UPF1: variants seen among roughly 807,000 people sequenced by gnomAD.
UPF1 encodes regulator of nonsense transcripts 1.
In UPF1, 9 loss-of-function variants were observed where a neutral mutation model predicts 129.2. That is an observed-to-expected ratio of 0.07 (90% CI 0.04 to 0.12). The LOEUF (loss-of-function observed/expected upper bound fraction) is 0.12. Ranked by LOEUF, UPF1 falls within the 10% of genes least tolerant of loss-of-function variation. The pLI is 1.00. For missense variants in UPF1, 788 were observed against 1,525.3 expected, an observed-to-expected ratio of 0.52 and a Z score of 8.05; for synonymous variants, 649 against 644.9, an observed-to-expected ratio of 1.01 and a Z score of -0.10.
chr19:18,846,092 C>T lies in UPF1; in HGVS notation c.344C>T (p.Thr115Met), dbSNP rs746151679. ...FEEDEEDTYYTKDLPIHACSY... is the reference protein window; with the variant it reads ...FEEDEEDTYYMKDLPIHACSY... Reference sequence around the variant, plus strand: ...GAAGATGAAGAAGACACCTATTACACGAAGGACCTCCCCATACACGCCTGC... The same window carrying T: ...GAAGATGAAGAAGACACCTATTACATGAAGGACCTCCCCATACACGCCTGC... The change falls in exon 2 of 24, where the codon ACG becomes ATG. Residue 115 changes from threonine to methionine, a missense_variant. Around this residue, in one of 6 missense-constraint regions of UPF1, gnomAD observed 227 missense variants for 517.9 expected, o/e 0.44. Coordinates refer to ENST00000262803, the MANE Select transcript of UPF1 (RefSeq NM_002911.4). The T allele has an allele frequency of 4.4e-5, 71 of 1,613,986 alleles. No homozygotes were observed. The highest frequency in any genetic ancestry group is 1.1e-4 in the East Asian group (5 of 44,890).
Position 18,868,053 on chromosome 19 carries a change from C to G in UPF1, c.*1536C>G, listed in dbSNP as rs564846446. Reference sequence around the variant, plus strand: ...GGCGGCCTGAGGGACGCTCCCTGCCCCATCCCGGCTGTTGGGCTGGGCCGC... The same window carrying G: ...GGCGGCCTGAGGGACGCTCCCTGCCGCATCCCGGCTGTTGGGCTGGGCCGC... On this transcript the variant is annotated 3_prime_UTR_variant, in exon 24 of 24. Coordinates refer to ENST00000262803, the MANE Select transcript of UPF1 (RefSeq NM_002911.4). 6.2e-6 allele frequency: 1 copy of G among 160,478 alleles called. No homozygotes were observed. Among genetic ancestry groups the G allele is most frequent in the Admixed American group, 6.0e-5 (1 of 16,574 alleles). 9.9% of individuals were successfully genotyped at this position (160,478 alleles called of 1,614,324 possible). A position where few individuals can be genotyped will look rare whatever the true frequency, so the allele number is the denominator to read the frequency against.
intron 17 of UPF1, among the ~76,000 whole-genome samples, chr19:18,861,599 G>A (rs552729217): frequency 6.6e-6 from 1 of 152,366 alleles, no homozygotes; most frequent in Non-Finnish European, 1.5e-5. Context: ...TTGGGAGGCT[G>A]AGGCAGGGAA....
intron 1 of UPF1, among the ~76,000 whole-genome samples, chr19:18,843,895 G>A (rs954436694): frequency 2.6e-5 from 4 of 152,122 alleles, no homozygotes; most frequent in East Asian, 1.9e-4. Flanking sequence ...ACAAGTGTGC[G>A]CCACCACACC....
Position 18,832,379 on chromosome 19 carries a change from G to C in UPF1, c.170G>C (p.Gly57Ala). The change falls in exon 1 of 24, where the codon GGC (glycine) becomes GCC (alanine). Residue 57 changes from glycine (G) to alanine (A), a missense_variant. Transcript: ENST00000262803. This position sits in a 1 kb window ranked among gnomAD's most constrained non-coding sequence, Gnocchi z 5.6. ...GGCGGCCCCGGCGGCCCGGGCGGTG[G>C]CGGCGCGGGAGGCCCGGGCGGCGCG... ...PPGGPGGPGG[G>A]GAGGPGGAGA... The C allele has an allele frequency of 8.3e-7, 1 of 1,211,790 alleles. No homozygotes were observed. Among genetic ancestry groups the C allele is most frequent in the Admixed American group, 3.6e-5 (1 of 28,116 alleles). The allele number at this position is 1,211,790 out of a possible 1,614,324, so 75.1% of individuals were successfully genotyped here.
chr19:18,865,469 G>A lies in UPF1; in HGVS notation c.3019+19G>A, dbSNP rs755618125. ...GCTGCAGGTGAGCATCTGTGGCTGC[G>A]GCTGGGTGTGGCCCTCCTGAGAGCT... is the stretch of plus-strand genomic sequence containing the variant. On this transcript the variant is annotated intron_variant, in intron 21 of 23. Transcript: ENST00000262803. This position sits in a 1 kb window ranked among gnomAD's most constrained non-coding sequence, Gnocchi z 6.1. 3.9e-5 allele frequency: 63 copies of A among 1,611,862 alleles called. No individual in the cohort carries two copies. The African/African-American group carries it at 6.4e-4, about 16-fold the overall frequency.
chr19:18,837,765 G>A (rs2145932207), intron 1 of UPF1, among the ~76,000 whole-genome samples: 1 of 152,302 alleles, frequency 6.6e-6, no homozygotes. Flanking sequence ...TGCACTGCCT[G>A]TTCCGTCTCC....
At position 18,836,649 on chromosome 19, in the gene UPF1, A is replaced by G. The variant is rs984298635; in HGVS notation, c.231+4209A>G. Among the ~76,000 whole-genome samples the G allele has an allele frequency of 3.9e-5, 6 of 152,110 alleles. No individual in the cohort carries two copies. The East Asian group carries it at 5.8e-4, about 15-fold the overall frequency. ...GTGTTTAAGTACATTGATGTATGTC[A>G]GTTTCTAAAATGGCACACTAAACAT... On this transcript the variant is annotated intron_variant, in intron 1 of 23. Coordinates refer to ENST00000262803, the MANE Select transcript of UPF1 (RefSeq NM_002911.4).
rs201081116 is a variant in UPF1 at position 18,850,902 on chromosome 19, G to C, written c.810+34G>C. ...GCCCAGCGGGCCGACCCGTGCCTTCGTGTGGTTTCTGGTTGCGGGGAGGGG... is the reference window on the plus strand; with the variant it reads ...GCCCAGCGGGCCGACCCGTGCCTTCCTGTGGTTTCTGGTTGCGGGGAGGGG... On this transcript the variant is annotated intron_variant, in intron 5 of 23. Coordinates refer to ENST00000262803, the MANE Select transcript of UPF1 (RefSeq NM_002911.4). The surrounding 1 kb of genome is among the most constrained non-coding windows in gnomAD (Gnocchi z 7.1). 3.3e-6 allele frequency: 5 copies of C among 1,506,360 alleles called. No individual in the cohort carries two copies. In the East Asian group the frequency reaches 9.5e-5, roughly 29 times the overall value. The allele number at this position is 1,506,360 out of a possible 1,614,324, so 93.3% of individuals were successfully genotyped here.
rs865947482 is a variant in UPF1 at position 18,866,391 on chromosome 19, C to T, written c.*4-130C>T. The T allele has an allele frequency of 2.7e-4, 151 of 561,872 alleles. 1 individual carries two copies. The highest frequency in any genetic ancestry group is 2.5e-3 in the South Asian group (90 of 36,314). The allele number at this position is 561,872 out of a possible 1,614,324, so 34.8% of individuals were successfully genotyped here. A position where few individuals can be genotyped will look rare whatever the true frequency, so the allele number is the denominator to read the frequency against. On this transcript the variant is annotated intron_variant, in intron 23 of 23. Transcript: ENST00000262803. ...ATCCTGTCTGCTCCGGGGACCACCG[C>T]GGGACCTCAGTTTCCTCATCAGAGT...
intron 3 of UPF1, chr19:18,849,165 C>CA (rs2055631233): frequency 2.0e-5 from 3 of 152,442 alleles, no homozygotes; most frequent in African/African-American, 7.2e-5. Context: ...TGGAGATGCT[C>CA]AGAGTGGCCA....
In UPF1 at chr19:18,865,249, G is replaced by C. The variant is rs776689814; in HGVS notation, c.2858-40G>C. The stretch of plus-strand genomic sequence containing the variant: ...GGTGGGGTATCGCTGGGGTTTGACC[G>C]AGGCAGGTGACACCTGCCGTGTTCC... On this transcript the variant is annotated intron_variant, in intron 20 of 23. Transcript: ENST00000262803. The surrounding 1 kb of genome is among the most constrained non-coding windows in gnomAD (Gnocchi z 6.1). 6 of 1,567,418 alleles carry C rather than the reference G, an allele frequency of 3.8e-6. No homozygotes were observed. The African/African-American group carries it at 8.1e-5, about 21-fold the overall frequency.
Position 18,850,851 on chromosome 19 carries a change from C to T in UPF1, c.793C>T (p.Leu265=), listed in dbSNP as rs771593648. The change falls in exon 5 of 24, where the codon CTG becomes TTG. Residue 265 remains leucine (L), a synonymous_variant. Transcript: ENST00000262803. The surrounding 1 kb of genome is among the most constrained non-coding windows in gnomAD (Gnocchi z 7.1). ...GATCACGGCACAGCAGATCAACAAG[C>T]TGGAGGAGCTGTGGAAGGTGGGGCT... is the stretch of plus-strand genomic sequence containing the variant. ...RQITAQQINK[L]EELWKENPSA... The T allele has an allele frequency of 1.3e-6, 2 of 1,589,846 alleles. No homozygotes were observed. Among genetic ancestry groups the T allele is most frequent in the Non-Finnish European group, 8.6e-7 (1 of 1,167,294 alleles).
At chr19:18,844,792 C>G (rs1330225550) in intron 1 of UPF1, among the ~76,000 whole-genome samples, 1 of 152,238 alleles carries the variant, frequency 6.6e-6, no homozygotes. Flanking sequence ...GGCACTGTCC[C>G]CTACTGCTGT....
chr19:18,853,412 G>C lies in UPF1; in HGVS notation c.1156+62G>C. On this transcript the variant is annotated intron_variant, in intron 8 of 23. Coordinates refer to ENST00000262803, the MANE Select transcript of UPF1 (RefSeq NM_002911.4). The surrounding 1 kb of genome is among the most constrained non-coding windows in gnomAD (Gnocchi z 4.4). ...GGAGAGGAAAGTGGGGGCATCAGGT[G>C]GAGGCCACTGTGGATTTGATGCTCA... The C allele has an allele frequency of 6.8e-7, 1 of 1,475,098 alleles. No homozygotes were observed. The highest frequency in any genetic ancestry group is 2.4e-5 in the East Asian group (1 of 42,474). 91.4% of individuals were successfully genotyped at this position (1,475,098 alleles called of 1,614,324 possible). A position where few individuals can be genotyped will look rare whatever the true frequency, so the allele number is the denominator to read the frequency against.
At chr19:18,863,972 G>GAGCCC (rs1346570464) in intron 19 of UPF1, among the ~76,000 whole-genome samples, 198 bp from the exon 20 acceptor site, 1 of 152,116 alleles carries the variant, frequency 6.6e-6, no homozygotes, top group Non-Finnish European at 1.5e-5. Context: ...GTCAGCATCA[G>GAGCCC]AGCCCAGGTC....
chr19:18,832,657 C>T lies in UPF1; in HGVS notation c.231+217C>T, dbSNP rs1292314341. Among the ~76,000 whole-genome samples the T allele has an allele frequency of 6.6e-6, 1 of 152,204 alleles. No individual in the cohort carries two copies. Among genetic ancestry groups the T allele is most frequent in the African/African-American group, 2.4e-5 (1 of 41,452 alleles). Reference sequence around the variant, plus strand: ...GGCCTGGCCTGATCTGCCCCGGGTCCCCCGCTCCGGCCGCGACCTGGCTGA... The same window carrying T: ...GGCCTGGCCTGATCTGCCCCGGGTCTCCCGCTCCGGCCGCGACCTGGCTGA... On this transcript the variant is annotated intron_variant, in intron 1 of 23. Coordinates refer to ENST00000262803, the MANE Select transcript of UPF1 (RefSeq NM_002911.4). This position sits in a 1 kb window ranked among gnomAD's most constrained non-coding sequence, Gnocchi z 5.6.
intron 17 of UPF1, 39 bp downstream of exon 17, chr19:18,861,021 A>G (rs1207549161): frequency 2.6e-6 from 4 of 1,539,482 alleles, no homozygotes; most frequent in South Asian, 1.2e-5. Flanking sequence ...CTCCTGGGCC[A>G]TGCAAGGGTA....
At chr19:18,841,840 AG>A (rs1470412027) in intron 1 of UPF1, among the ~76,000 whole-genome samples, 5 of 152,182 alleles carry the variant, frequency 3.3e-5, no homozygotes, top group Non-Finnish European at 5.9e-5. Flanking sequence ...GGCTGGAACA[AG>A]GGTCTGCCGG....
At chr19:18,863,724 A>AGGGGAGGGTGGGCTCTCCTT in intron 19 of UPF1, 112 bp downstream of exon 19, 1 of 823,762 alleles carries the variant, frequency 1.2e-6, no homozygotes, top group East Asian at 6.0e-5. Flanking sequence ...GGGCTCTCCT[A>AGGGGAGGGTGGGCTCTCCTT]GGGGAGGGTG....
Sources: allele counts gnomAD v4.1 joint callset (sites outside exome capture counted in the v4.1 genomes callset), GRCh38; gene constraint gnomAD v4.1.1; regional missense constraint gnomAD v4.1.1; non-coding constraint Gnocchi (gnomAD v3.1); transcripts MANE v1.5; gene names NCBI Gene and HGNC (gene_info 2026-07-23, HGNC 2026-07-21).